SYNE1: variants seen among roughly 807,000 people sequenced by gnomAD.
SYNE1 encodes spectrin repeat containing nuclear envelope protein 1.
A neutral mutation model predicts 1,111.0 loss-of-function variants in SYNE1; 616 were observed. The ratio of observed to expected loss-of-function variants is 0.55; its 90% CI spans 0.52 to 0.59. SYNE1 has a LOEUF of 0.59. Ranked by LOEUF, SYNE1 falls within the 20% of genes least tolerant of loss-of-function variation. The probability of loss-of-function intolerance (pLI) is 0.00; values close to 1 mark genes in which losing one functional copy is unlikely to be tolerated. For synonymous variants in SYNE1, 3,855 were observed against 3,825.8 expected (o/e 1.01, Z -0.28); for missense variants, 10,006 against 10,417.0 (o/e 0.96, Z 1.72).
intron 3 of SYNE1, among the ~76,000 whole-genome samples, chr6:152,588,362 AT>A (rs2099547108): frequency 6.6e-6 from 1 of 152,228 alleles, no homozygotes; most frequent in African/African-American, 2.4e-5. Flanking sequence ...CTAAATAGAG[AT>A]GACAATTTTC....
intron 22 of SYNE1, 64 bp downstream of exon 22, chr6:152,458,693 G>T: frequency 1.3e-6 from 2 of 1,552,970 alleles, no homozygotes; most frequent in Non-Finnish European, 8.9e-7. Flanking sequence ...ATTCCTGTAA[G>T]CAACACCCTG....
chr6:152,333,524 T>C (rs1025306565), intron 77 of SYNE1, among the ~76,000 whole-genome samples: 3 of 152,316 alleles, frequency 2.0e-5, no homozygotes, highest in Admixed American at 6.5e-5. Flanking sequence ...TAAATCAATA[T>C]CGAGCTAGGA....
intron 100 of SYNE1, among the ~76,000 whole-genome samples, chr6:152,265,207 GAA>G (rs36042696): frequency 1.1e-5 from 1 of 87,902 alleles, no homozygotes; most frequent in Non-Finnish European, 2.1e-5. Context: ...CTCTGTCTCA[GAA>G]AAAAAAAAAA....
chr6:152,387,531 T>C (rs2097542797), intron 53 of SYNE1, 150 bp from the exon 54 acceptor site: 2 of 741,498 alleles, frequency 2.7e-6, no homozygotes, highest in African/African-American at 3.5e-5. Flanking sequence ...GGAGAAACAC[T>C]ACTTCTCTGA....
At position 152,353,636 on chromosome 6, in the gene SYNE1, C is replaced by T. The variant is rs1324216799; in HGVS notation, c.11035G>A (p.Ala3679Thr). The T allele has an allele frequency of 6.2e-7, 1 of 1,614,204 alleles. No individual in the cohort carries two copies. The highest frequency in any genetic ancestry group is 8.5e-7 in the Non-Finnish European group (1 of 1,180,044). Residue 3679 changes from alanine (A) to threonine (T), a missense_variant, in exon 68 of 146, where the codon GCC (alanine) becomes ACC (threonine). Coordinates refer to ENST00000367255, the MANE Select transcript of SYNE1 (RefSeq NM_182961.4). ...TGGTATCTGGAAGTCAGCTGGGTGG[C>T]CTGGCAACCCATTCTGCTGTTCACG... ...SHVNSRMGCQ[A>T]TQLTSRYQAL...
At position 152,206,237 on chromosome 6, in the gene SYNE1, G is replaced by A. The variant is rs866583288; in HGVS notation, c.22950C>T (p.Ile7650=). Residue 7650 remains isoleucine (I), a synonymous_variant, in exon 126 of 146, where the codon ATC becomes ATT. Transcript: ENST00000367255. ...TGCTGGCTGATTTCCATTTCTCTTGGATTTCAGCGAGTTCGGCCTGCAAGG... is the reference window on the plus strand; with the variant it reads ...TGCTGGCTGATTTCCATTTCTCTTGAATTTCAGCGAGTTCGGCCTGCAAGG... ...EAALQAELAE[I]QEKWKSASMR... 1.2e-6 allele frequency: 2 copies of A among 1,613,582 alleles called. No homozygotes were observed. Among genetic ancestry groups the A allele is most frequent in the African/African-American group, 1.3e-5 (1 of 74,880 alleles).
At chr6:152,305,050 C>T (rs1282324653) in intron 91 of SYNE1, among the ~76,000 whole-genome samples, 2 of 152,102 alleles carry the variant, frequency 1.3e-5, no homozygotes, top group African/African-American at 4.8e-5. Context: ...TAATGTTACC[C>T]ATTCTCTTTA....
chr6:152,148,298 G>A lies in SYNE1; in HGVS notation c.24723C>T (p.His8241=), dbSNP rs141586001. Residue 8241 remains histidine (H), a synonymous_variant, in exon 137 of 146, where the codon CAC becomes CAT. Transcript: ENST00000367255. The surrounding 1 kb of genome is among the most constrained non-coding windows in gnomAD (Gnocchi z 4.1). ...AAAGCAGGCTGTCTGCAGAGCGGTCGTGCCAGTGCAGGTCCGACAGAGCTG... is the reference window on the plus strand; with the variant it reads ...AAAGCAGGCTGTCTGCAGAGCGGTCATGCCAGTGCAGGTCCGACAGAGCTG... The part of the protein sequence containing the change: ...DSAALSDLHW[H]DRSADSLLSP... The A allele has an allele frequency of 1.3e-5, 21 of 1,613,780 alleles. No homozygotes were observed. The highest frequency in any genetic ancestry group is 2.2e-5 in the East Asian group (1 of 44,878).
intron 3 of SYNE1, among the ~76,000 whole-genome samples, chr6:152,609,851 C>G (rs1157297123): frequency 6.6e-6 from 1 of 152,174 alleles, no homozygotes; most frequent in African/African-American, 2.4e-5. Flanking sequence ...CCCAAGCAAA[C>G]AGGGTCTGGA....
intron 78 of SYNE1, among the ~76,000 whole-genome samples, chr6:152,327,138 C>T (rs774172343): frequency 9.2e-5 from 14 of 151,916 alleles, no homozygotes; most frequent in African/African-American, 2.7e-4. Flanking sequence ...ACTAAAAATA[C>T]GAAAATTAGC....
At chr6:152,317,992 T>C (rs1254636867) in intron 86 of SYNE1, 89 bp downstream of exon 86, 7 of 1,536,916 alleles carry the variant, frequency 4.6e-6, no homozygotes, top group Non-Finnish European at 6.3e-6. Context: ...TTTATCTTTT[T>C]ATTTATGTTA....
intron 87 of SYNE1, among the ~76,000 whole-genome samples, chr6:152,312,566 T>C (rs1275949600): frequency 6.7e-6 from 1 of 148,488 alleles, no homozygotes; most frequent in Non-Finnish European, 1.5e-5. Context: ...TATATATATA[T>C]AATCTGTTAA....
intron 4 of SYNE1, among the ~76,000 whole-genome samples, chr6:152,537,128 A>G (rs2099247171): frequency 6.6e-6 from 1 of 152,140 alleles, no homozygotes; most frequent in Admixed American, 6.6e-5. Context: ...TTGAAAAGTG[A>G]GAAAATTATA....
At chr6:152,205,094 T>C (rs1032096327) in intron 126 of SYNE1, among the ~76,000 whole-genome samples, 10 of 151,976 alleles carry the variant, frequency 6.6e-5, no homozygotes, top group Non-Finnish European at 1.5e-4. Flanking sequence ...AATATATTAT[T>C]AAATAAAATT....
intron 107 of SYNE1, among the ~76,000 whole-genome samples, chr6:152,241,474 C>T (rs565841059): frequency 1.2e-4 from 16 of 131,178 alleles, no homozygotes; most frequent in Non-Finnish European, 2.2e-4. Flanking sequence ...AAATTGCTTT[C>T]GTAATCATTG....
At chr6:152,632,472 A>G (rs1208724928) in intron 2 of SYNE1, among the ~76,000 whole-genome samples, 1 of 152,214 alleles carries the variant, frequency 6.6e-6, no homozygotes. Flanking sequence ...AAATGATGTT[A>G]ATAAAAAGAA....
intron 133 of SYNE1, 145 bp from the exon 134 acceptor site, chr6:152,152,286 T>TC: frequency 1.3e-6 from 1 of 761,892 alleles, no homozygotes; most frequent in Non-Finnish European, 2.2e-6. Flanking sequence ...ACGGTACACT[T>TC]CCCCTTGTTA....
chr6:152,135,115 T>C lies in SYNE1; in HGVS notation c.25777A>G (p.Lys8593Glu). 6.2e-7 allele frequency: 1 copy of C among 1,614,190 alleles called. No individual in the cohort carries two copies. The highest frequency in any genetic ancestry group is 8.5e-7 in the Non-Finnish European group (1 of 1,180,026). Residue 8593 changes from lysine (K) to glutamate (E), a missense_variant, in exon 142 of 146, where the codon AAA becomes GAA. Lys to Glu is a moderately conservative substitution (Grantham distance 56). Transcript: ENST00000367255. The stretch of plus-strand genomic sequence containing the variant: ...TTCACACATCTTACCATAAGCTGTT[T>C]GTGATGGTCCTGAAGTATCTCTGCA... ...LDAEILQDHH[K>E]QLMQIKHELL...
chr6:152,530,701 A>C (rs566120039), intron 4 of SYNE1, among the ~76,000 whole-genome samples: 1 of 150,376 alleles, frequency 6.6e-6, no homozygotes, highest in African/African-American at 2.4e-5. Context: ...GGCTCACTGC[A>C]ACCTCTGCCT....
Sources: allele counts gnomAD v4.1 joint callset (sites outside exome capture counted in the v4.1 genomes callset), GRCh38; gene constraint gnomAD v4.1.1; non-coding constraint Gnocchi (gnomAD v3.1); transcripts MANE v1.5; gene names NCBI Gene and HGNC (gene_info 2026-07-23, HGNC 2026-07-21).